ATRN: variants seen among roughly 807,000 people sequenced by gnomAD.
ATRN encodes the protein attractin-2.
In ATRN, 54 loss-of-function variants were observed where a neutral mutation model predicts 178.7. That is an observed-to-expected ratio of 0.30 (90% CI 0.24 to 0.38). The LOEUF is 0.38. Ranked by LOEUF, ATRN falls within the 10% of genes least tolerant of loss-of-function variation. The pLI is 1.00. For missense variants in ATRN, 1,443 were observed against 1,815.1 expected (o/e 0.79, Z 3.73); for synonymous variants, 636 against 663.0 (o/e 0.96, Z 0.63).
intron 11 of ATRN, among the ~76,000 whole-genome samples, chr20:3,571,324 T>C (rs766185549): frequency 2.0e-5 from 3 of 152,264 alleles, no homozygotes; most frequent in Non-Finnish European, 4.4e-5. Flanking sequence ...CCCTCTGGCA[T>C]AAGTGGGTTA....
Position 3,597,901 on chromosome 20 carries a change from C to T in ATRN, c.3470-5C>T. ...TTTTAAATATGCATTTCTTTCTTTC[C>T]ATAGATACTCTTCTTATTGACTATC... On this transcript the variant is annotated splice_region_variant and splice_polypyrimidine_tract_variant and intron_variant, in intron 21 of 28. Coordinates refer to ENST00000262919, the MANE Select transcript of ATRN (RefSeq NM_139321.3). The T allele has an allele frequency of 6.4e-7, 1 of 1,561,208 alleles. No homozygotes were observed. Among genetic ancestry groups the T allele is most frequent in the Admixed American group, 1.7e-5 (1 of 59,186 alleles).
At chr20:3,588,981 G>GTTTTTTTT (rs386393128) in intron 18 of ATRN, among the ~76,000 whole-genome samples, 47 of 99,790 alleles carry the variant, frequency 4.7e-4, no homozygotes, top group South Asian at 1.1e-3. Flanking sequence ...ATTTTCTTTT[G>GTTTTTTTT]TTTTTTTTTT....
At chr20:3,484,409 A>G (rs1290347165) in intron 1 of ATRN, among the ~76,000 whole-genome samples, 1 of 152,010 alleles carries the variant, frequency 6.6e-6, no homozygotes, top group Non-Finnish European at 1.5e-5. Context: ...AAAATTTAAA[A>G]TTTTTGCTTT....
intron 18 of ATRN, 22 bp from the exon 19 acceptor site, chr20:3,591,147 C>G: frequency 6.2e-7 from 1 of 1,613,038 alleles, no homozygotes; most frequent in Non-Finnish European, 8.5e-7. Flanking sequence ...GTACAGACCC[C>G]TTGAAACTCT....
At chr20:3,563,793 CA>C in intron 10 of ATRN, among the ~76,000 whole-genome samples, 1 of 152,156 alleles carries the variant, frequency 6.6e-6, no homozygotes, top group East Asian at 1.9e-4. Flanking sequence ...TCATGCAAAG[CA>C]AATGCATACC....
chr20:3,602,296 C>T (rs2086620510), intron 23 of ATRN, among the ~76,000 whole-genome samples: 1 of 151,596 alleles, frequency 6.6e-6, no homozygotes, highest in African/African-American at 2.4e-5. Context: ...CGCCACTGCA[C>T]TCCAGCTTGG....
intron 23 of ATRN, among the ~76,000 whole-genome samples, chr20:3,603,778 G>A (rs1317466550): frequency 2.6e-5 from 4 of 152,066 alleles, no homozygotes; most frequent in South Asian, 4.1e-4. Context: ...GTGAGCCACC[G>A]CACCCGGCCA....
At chr20:3,602,482 C>A (rs1404546801) in intron 23 of ATRN, among the ~76,000 whole-genome samples, 1 of 151,994 alleles carries the variant, frequency 6.6e-6, no homozygotes, top group East Asian at 1.9e-4. Flanking sequence ...TTTTTAAAAT[C>A]AAAAACACAA....
intron 18 of ATRN, among the ~76,000 whole-genome samples, chr20:3,590,788 G>A (rs1281966983): frequency 6.6e-6 from 1 of 151,962 alleles, no homozygotes; most frequent in African/African-American, 2.4e-5. Context: ...TGTTCTTCTG[G>A]TATAGAAAAA....
At position 3,632,072 on chromosome 20, in the gene ATRN, C is replaced by A. The variant is rs2086993705; in HGVS notation, c.3864-2239C>A. Reference sequence around the variant, plus strand: ...TTCCAAATGCCATGCCCAGCCCAGACCTGGCAGCCAGCCTCCAGGTTAGAA... The same window carrying A: ...TTCCAAATGCCATGCCCAGCCCAGAACTGGCAGCCAGCCTCCAGGTTAGAA... On this transcript the variant is annotated intron_variant, in intron 25 of 28. Coordinates refer to ENST00000262919, the MANE Select transcript of ATRN (RefSeq NM_139321.3). This position sits in a 1 kb window ranked among gnomAD's most constrained non-coding sequence, Gnocchi z 4.2. 6.6e-6 allele frequency among the ~76,000 whole-genome samples: 1 copy of A among 152,148 alleles called. No individual in the cohort carries two copies. Among genetic ancestry groups the A allele is most frequent in the South Asian group, 2.1e-4 (1 of 4,830 alleles).
chr20:3,575,550 A>T (rs1011986104), intron 12 of ATRN, among the ~76,000 whole-genome samples: 6 of 152,116 alleles, frequency 3.9e-5, no homozygotes, highest in African/African-American at 1.4e-4. Flanking sequence ...GTATTCAAAG[A>T]GCCAGAATTT....
intron 1 of ATRN, among the ~76,000 whole-genome samples, chr20:3,505,358 A>G (rs1402657670): frequency 6.6e-6 from 1 of 152,100 alleles, no homozygotes; most frequent in African/African-American, 2.4e-5. Context: ...ACTGAGTTAC[A>G]CCACCAGCTC....
intron 24 of ATRN, among the ~76,000 whole-genome samples, chr20:3,607,500 C>A (rs1442952623): frequency 6.6e-6 from 1 of 152,182 alleles, no homozygotes; most frequent in Non-Finnish European, 1.5e-5. Context: ...TGGCTTGTTT[C>A]ACTTAACATA....
At chr20:3,553,723 G>A (rs1568725536) in intron 6 of ATRN, among the ~76,000 whole-genome samples, 1 of 152,158 alleles carries the variant, frequency 6.6e-6, no homozygotes, top group African/African-American at 2.4e-5. Flanking sequence ...GAGCCTGTGT[G>A]TTTGCCCTTC....
intron 11 of ATRN, among the ~76,000 whole-genome samples, 177 bp downstream of exon 11, chr20:3,565,609 T>A (rs1421940759): frequency 6.6e-6 from 1 of 151,912 alleles, no homozygotes; most frequent in Non-Finnish European, 1.5e-5. Context: ...CTACTAAAAG[T>A]ACAAAAATTA....
intron 1 of ATRN, among the ~76,000 whole-genome samples, chr20:3,472,604 G>C (rs1352779444): frequency 6.6e-6 from 1 of 152,216 alleles, no homozygotes; most frequent in African/African-American, 2.4e-5. Flanking sequence ...AGCGTGGTCT[G>C]ATAGAGAATT....
chr20:3,504,601 C>T (rs2085011443), intron 1 of ATRN, among the ~76,000 whole-genome samples: 2 of 149,978 alleles, frequency 1.3e-5, no homozygotes, highest in African/African-American at 2.4e-5. Flanking sequence ...AGGAGAATCG[C>T]TTGAAGCTGG....
chr20:3,547,297 C>G lies in ATRN; in HGVS notation c.751C>G (p.Pro251Ala), dbSNP rs758267933. ...CTATTTTTACAGTTTTGATATGTGTCCAAATAACTGCTCAGGCCGAGGAGA... is the reference window on the plus strand; with the variant it reads ...CTATTTTTACAGTTTTGATATGTGTGCAAATAACTGCTCAGGCCGAGGAGA... ...FNITYSFDMC[P>A]NNCSGRGECK... Residue 251 changes from proline to alanine, a missense_variant, in exon 5 of 29, where the codon CCA (proline) becomes GCA (alanine). Coordinates refer to ENST00000262919, the MANE Select transcript of ATRN (RefSeq NM_139321.3). The G allele has an allele frequency of 6.2e-6, 10 of 1,613,576 alleles. No homozygotes were observed. The highest frequency in any genetic ancestry group is 8.5e-6 in the Non-Finnish European group (10 of 1,179,512).
At chr20:3,522,361 C>A (rs921570249) in intron 1 of ATRN, among the ~76,000 whole-genome samples, 3 of 152,214 alleles carry the variant, frequency 2.0e-5, no homozygotes, top group African/African-American at 7.2e-5. Context: ...GACTACCTCT[C>A]TAGATTCCTT....
Sources: allele counts gnomAD v4.1 joint callset (sites outside exome capture counted in the v4.1 genomes callset), GRCh38; gene constraint gnomAD v4.1.1; non-coding constraint Gnocchi (gnomAD v3.1); transcripts MANE v1.5; gene names NCBI Gene and HGNC (gene_info 2026-07-23, HGNC 2026-07-21).